Variants in AGMO observed in about 807,000 individuals in gnomAD.
The protein encoded by AGMO is alkylglycerol monooxygenase.
Under a neutral mutation model 60.2 loss-of-function variants are expected in AGMO, and 75 were observed. The ratio of observed to expected loss-of-function variants is 1.25; its 90% CI spans 1.03 to 1.51. AGMO has a LOEUF of 1.51. Ranked by LOEUF, AGMO falls within the 40% of genes most tolerant of loss-of-function variation. The pLI, the probability that AGMO is intolerant of heterozygous loss-of-function variation, is 0.00. For synonymous variants in AGMO, 261 were observed against 177.1 expected (o/e 1.47, Z -3.76); for missense variants, 763 against 525.5 (o/e 1.45, Z -4.42).
At chr7:15,338,357 A>G (rs1270079598) in intron 12 of AGMO, among the ~76,000 whole-genome samples, 1 of 152,170 alleles carries the variant, frequency 6.6e-6, no homozygotes. Flanking sequence ...TTAATTTTTA[A>G]CTGTAGAGAA....
intron 12 of AGMO, among the ~76,000 whole-genome samples, chr7:15,329,935 A>T (rs1337807228): frequency 1.3e-5 from 2 of 152,186 alleles, no homozygotes; most frequent in South Asian, 4.1e-4. Flanking sequence ...TTTAGGTCAG[A>T]GGACTGAAAA....
chr7:15,408,010 G>A (rs1003755061), intron 5 of AGMO, among the ~76,000 whole-genome samples: 1 of 151,858 alleles, frequency 6.6e-6, no homozygotes, highest in Non-Finnish European at 1.5e-5. Flanking sequence ...AAAGTGCATC[G>A]AGCTCTTACT....
chr7:15,444,530 A>C (rs1203345187), intron 3 of AGMO, among the ~76,000 whole-genome samples: 1 of 152,212 alleles, frequency 6.6e-6, no homozygotes, highest in African/African-American at 2.4e-5. Context: ...GTTGTATTTG[A>C]ACTTTCTAAA....
chr7:15,527,753 G>C lies in AGMO; in HGVS notation c.409+17019C>G, dbSNP rs546087232. 4.5e-4 allele frequency among the ~76,000 whole-genome samples: 69 copies of C among 152,206 alleles called. 1 individual carries two copies. In the South Asian group the frequency reaches 0.014, roughly 32 times the overall value. On this transcript the variant is annotated intron_variant, in intron 3 of 12. Transcript: ENST00000342526. ...TCTCTTGTTTGGGGCTAATACAGGT[G>C]GTGGCTTTAAGATGAAGCCATTTAC...
the AGMO span, among the ~76,000 whole-genome samples, chr7:15,165,939 T>C: frequency 6.6e-6 from 1 of 152,144 alleles, no homozygotes; most frequent in Non-Finnish European, 1.5e-5. Context: ...CTTAAGTGAT[T>C]TATAGGTATG....
At chr7:15,191,597 G>T in the AGMO span, among the ~76,000 whole-genome samples, 1 of 152,076 alleles carries the variant, frequency 6.6e-6, no homozygotes, top group Non-Finnish European at 1.5e-5. Flanking sequence ...ATAATTAAGG[G>T]CAACGAAGTA....
chr7:15,529,606 G>T (rs572622139), intron 3 of AGMO, among the ~76,000 whole-genome samples: 13 of 30,190 alleles, frequency 4.3e-4, no homozygotes, highest in Admixed American at 1.0e-3. Flanking sequence ...TCTATATATA[G>T]AGTATATATA....
Position 15,255,534 on chromosome 7 carries a change from CA to C in AGMO, c.1264-54176del, listed in dbSNP as rs60035165. ...CTGTCTCCAAAGCCATGTAAGAATA[CA>C]AAAAAAAAAAAAAAAGAAAGAAAGA... On this transcript the variant is annotated intron_variant, in intron 12 of 12. Coordinates refer to ENST00000342526, the MANE Select transcript of AGMO (RefSeq NM_001004320.2). Among the ~76,000 whole-genome samples the C allele has an allele frequency of 5.2e-3, 597 of 115,794 alleles. 5 individuals are homozygous for C. Among genetic ancestry groups the C allele is most frequent in the African/African-American group, 0.015 (474 of 31,012 alleles). The allele number at this position is 115,794 out of a possible 152,430, so 76.0% of individuals were successfully genotyped here. A position where few individuals can be genotyped will look rare whatever the true frequency, so the allele number is the denominator to read the frequency against.
chr7:15,190,561 A>C, the AGMO span, among the ~76,000 whole-genome samples: 2 of 152,120 alleles, frequency 1.3e-5, no homozygotes, highest in Admixed American at 1.3e-4. Flanking sequence ...TAAGAATTAG[A>C]ATTTGTAAAA....
At chr7:15,399,456 C>G (rs1012457264) in intron 5 of AGMO, among the ~76,000 whole-genome samples, 2 of 152,082 alleles carry the variant, frequency 1.3e-5, no homozygotes, top group Admixed American at 1.3e-4. Context: ...AATTTCTCAC[C>G]CAAACTTCAC....
chr7:15,525,146 T>C (rs1247222437), intron 3 of AGMO, among the ~76,000 whole-genome samples: 2 of 152,084 alleles, frequency 1.3e-5, no homozygotes, highest in Non-Finnish European at 2.9e-5. Context: ...GCTTTTATGT[T>C]AAAATAGAAG....
intron 3 of AGMO, among the ~76,000 whole-genome samples, chr7:15,497,736 T>C (rs1364566703): frequency 6.6e-6 from 1 of 152,050 alleles, no homozygotes; most frequent in Non-Finnish European, 1.5e-5. Flanking sequence ...TGACTATATA[T>C]TTCCTCAACT....
At chr7:15,240,645 ACAAT>A (rs777786040) in intron 12 of AGMO, among the ~76,000 whole-genome samples, 15 of 152,290 alleles carry the variant, frequency 9.8e-5, no homozygotes, top group Admixed American at 5.9e-4. Flanking sequence ...GATAACTTTT[ACAAT>A]CACTCTCTCA....
chr7:15,128,225 G>A, the AGMO span, among the ~76,000 whole-genome samples: 3 of 152,030 alleles, frequency 2.0e-5, no homozygotes, highest in Non-Finnish European at 2.9e-5. Flanking sequence ...GATAATAGAC[G>A]TGCTTGGTTT....
intron 12 of AGMO, among the ~76,000 whole-genome samples, chr7:15,300,512 A>C (rs572332770): frequency 6.6e-6 from 1 of 152,330 alleles, no homozygotes; most frequent in Admixed American, 6.5e-5. Context: ...ACTGAAAAAA[A>C]AATCAAGAAA....
At chr7:15,401,707 T>C (rs1351591448) in intron 5 of AGMO, among the ~76,000 whole-genome samples, 3 of 152,134 alleles carry the variant, frequency 2.0e-5, no homozygotes, top group Admixed American at 2.0e-4. Flanking sequence ...TAAAAGATGC[T>C]TACAAATATT....
chr7:15,511,006 A>G (rs921186348), intron 3 of AGMO, among the ~76,000 whole-genome samples: 5 of 151,894 alleles, frequency 3.3e-5, no homozygotes, highest in Non-Finnish European at 7.4e-5. Flanking sequence ...CTTCTAAAAA[A>G]AGATACACAA....
At chr7:15,187,033 C>T in the AGMO span, among the ~76,000 whole-genome samples, 3 of 152,138 alleles carry the variant, frequency 2.0e-5, no homozygotes, top group Non-Finnish European at 4.4e-5. Flanking sequence ...ACGCTGCTAG[C>T]CATGTAAATG....
At chr7:15,360,866 C>T (rs1054740458) in intron 12 of AGMO, among the ~76,000 whole-genome samples, 2 of 151,936 alleles carry the variant, frequency 1.3e-5, no homozygotes, top group Non-Finnish European at 2.9e-5. Context: ...GCCCTCATGC[C>T]CACACCTGAG....
Sources: gnomAD v4.1 joint callset for allele counts (sites outside exome capture counted in the v4.1 genomes callset) on GRCh38, gnomAD v4.1.1 for gene constraint, MANE v1.5 for transcripts, NCBI Gene and HGNC (gene_info 2026-07-23, HGNC 2026-07-21) for gene names.